Variants in RADIL observed in about 807,000 individuals in gnomAD.
The protein encoded by RADIL is Rap associating with DIL domain, also known as ras-associating and dilute domain-containing protein.
A neutral mutation model predicts 97.6 loss-of-function variants in RADIL; 99 were observed. The observed-to-expected ratio is 1.01, with a 90% CI of 0.86 to 1.20. The LOEUF (loss-of-function observed/expected upper bound fraction) is 1.20, where lower values mean the gene tolerates loss of function less well. Among genes scored for constraint, RADIL ranks in the 50% most tolerant of loss-of-function variants. The pLI is 0.00. For missense variants in RADIL, 1,765 were observed against 1,498.9 expected, an observed-to-expected ratio of 1.18 and a Z score of -2.93; for synonymous variants, 803 against 691.8, an observed-to-expected ratio of 1.16 and a Z score of -2.52.
chr7:4,815,925 T>C lies in RADIL; in HGVS notation c.1966+303A>G, dbSNP rs1782666298. Among the ~76,000 whole-genome samples the C allele has an allele frequency of 6.6e-6, 1 of 152,154 alleles. No homozygotes were observed. Among genetic ancestry groups the C allele is most frequent in the South Asian group, 2.1e-4 (1 of 4,830 alleles). The stretch of plus-strand genomic sequence containing the variant: ...TGGCCCTGACATGTCCACCGGGCAG[T>C]TCTGGGACAGTCCAATGATGCCCTG... On this transcript the variant is annotated intron_variant, in intron 8 of 14. Coordinates refer to ENST00000399583, the MANE Select transcript of RADIL (RefSeq NM_018059.5). This position sits in a 1 kb window ranked among gnomAD's most constrained non-coding sequence, Gnocchi z 8.0.
chr7:4,863,306 C>T (rs889356419), intron 2 of RADIL, among the ~76,000 whole-genome samples: 1 of 152,194 alleles, frequency 6.6e-6, no homozygotes, highest in African/African-American at 2.4e-5. Flanking sequence ...TTTCTTTAAA[C>T]GTGTTAAACA....
At position 4,883,230 on chromosome 7, in the gene RADIL, G is replaced by A. The variant is rs920739793; in HGVS notation, c.-65+366C>T. Among the ~76,000 whole-genome samples, 15 of 147,300 alleles carry A rather than the reference G, an allele frequency of 1.0e-4. 1 individual carries two copies. The East Asian group carries it at 2.2e-3, about 21-fold the overall frequency. On this transcript the variant is annotated intron_variant, in intron 1 of 14. Coordinates refer to ENST00000399583, the MANE Select transcript of RADIL (RefSeq NM_018059.5). The surrounding 1 kb of genome is among the most constrained non-coding windows in gnomAD (Gnocchi z 7.1). ...CCCCGGACGAAGCTCCCCCTCCAGG[G>A]CACAGCCGGGAAAACTGAGGGCCGA...
rs1396673144 is a variant in RADIL, at chr7:4,867,475, G to C, written c.535+10130C>G. Among the ~76,000 whole-genome samples, 2 of 152,166 alleles carry C rather than the reference G, an allele frequency of 1.3e-5. No homozygotes were observed. Among genetic ancestry groups the C allele is most frequent in the African/African-American group, 4.8e-5 (2 of 41,448 alleles). ...CAATGAGCTGACTAGAGCACCATGGGTAGGTGTCAAAAACATAATGTGAGG... is the reference window on the plus strand; with the variant it reads ...CAATGAGCTGACTAGAGCACCATGGCTAGGTGTCAAAAACATAATGTGAGG... On this transcript the variant is annotated intron_variant, in intron 2 of 14. Transcript: ENST00000399583. The surrounding 1 kb of genome is among the most constrained non-coding windows in gnomAD (Gnocchi z 4.1).
At chr7:4,810,585 G>A (rs754071806) in intron 9 of RADIL, among the ~76,000 whole-genome samples, 2 of 152,334 alleles carry the variant, frequency 1.3e-5, no homozygotes, top group Admixed American at 1.3e-4. Flanking sequence ...AGTCTGGGGC[G>A]GTTACGAGTG....
At chr7:4,833,207 G>A (rs1050933673) in intron 4 of RADIL, among the ~76,000 whole-genome samples, 2 of 152,218 alleles carry the variant, frequency 1.3e-5, no homozygotes, top group Non-Finnish European at 2.9e-5. Flanking sequence ...CAGTTTCCCT[G>A]GCTGTGACAT....
intron 2 of RADIL, among the ~76,000 whole-genome samples, chr7:4,862,481 C>T (rs1422636055): frequency 6.6e-6 from 1 of 152,204 alleles, no homozygotes; most frequent in East Asian, 1.9e-4. Context: ...CTCTGGTTCC[C>T]GTTGAGAATT....
Position 4,799,381 on chromosome 7 carries a change from G to C in RADIL, c.3225C>G (p.Leu1075=). The change falls in exon 15 of 15, where the codon CTC becomes CTG. Residue 1075 remains leucine, a synonymous_variant. Transcript: ENST00000399583. The part of the protein sequence containing the change: ...AKKIHFRTPP[L] ...TGGGGGTGTCCTCGCAGCCCCCCTA[G>C]AGAGGGGGCGTGCGGAAATGGATCT... 1 of 1,613,120 alleles carries C rather than the reference G, an allele frequency of 6.2e-7. No homozygotes were observed. Among genetic ancestry groups the C allele is most frequent in the Non-Finnish European group, 8.5e-7 (1 of 1,179,466 alleles).
At chr7:4,838,002 T>C (rs1783345823) in intron 2 of RADIL, 1 of 985,212 alleles carries the variant, frequency 1.0e-6, no homozygotes, top group Admixed American at 6.1e-5. Flanking sequence ...GGAAGACCCT[T>C]ACCAGCGCCA....
At chr7:4,860,438 G>A in intron 2 of RADIL, 3 of 1,614,144 alleles carry the variant, frequency 1.9e-6, no homozygotes, top group Non-Finnish European at 1.7e-6. Flanking sequence ...GATATCATAG[G>A]TGAGATCAAT....
At position 4,822,520 on chromosome 7, in the gene RADIL, C is replaced by T. The variant is rs754743852; in HGVS notation, c.1489G>A (p.Ala497Thr). 1.9e-6 allele frequency: 3 copies of T among 1,613,036 alleles called. No individual in the cohort carries two copies. Among genetic ancestry groups the T allele is most frequent in the Non-Finnish European group, 8.5e-7 (1 of 1,179,980 alleles). Residue 497 changes from alanine (A) to threonine (T), a missense_variant, in exon 6 of 15, where the codon GCT becomes ACT. Coordinates refer to ENST00000399583, the MANE Select transcript of RADIL (RefSeq NM_018059.5). This position sits in a 1 kb window ranked among gnomAD's most constrained non-coding sequence, Gnocchi z 5.3. ...GGCTGCAAGTCTGGAACCAGATCAG[C>T]CATGGCGCAGCTGGCCAGCGAGATG... ...EPISLASCAM[A>T]DLVPDLQPIL...
intron 2 of RADIL, chr7:4,860,816 A>C (rs775019188): frequency 6.2e-7 from 1 of 1,614,192 alleles, no homozygotes; most frequent in Non-Finnish European, 8.5e-7. Flanking sequence ...CCTGGTTGAA[A>C]TAGACACGTT....
intron 2 of RADIL, among the ~76,000 whole-genome samples, 156 bp downstream of exon 2, chr7:4,877,449 G>A (rs1465540583): frequency 2.0e-5 from 3 of 152,174 alleles, no homozygotes; most frequent in Non-Finnish European, 4.4e-5. Context: ...AACAAAAGAG[G>A]AAGGCTTCAA....
intron 2 of RADIL, among the ~76,000 whole-genome samples, chr7:4,848,163 G>A (rs1468977252): frequency 6.6e-6 from 1 of 150,380 alleles, no homozygotes; most frequent in Non-Finnish European, 1.5e-5. Flanking sequence ...TCACACCACT[G>A]CACTCCAGCC....
chr7:4,850,334 T>A (rs10464373), intron 2 of RADIL, among the ~76,000 whole-genome samples: 34,936 of 151,740 alleles, frequency 0.23, 4,915 homozygotes, highest in South Asian at 0.37. Flanking sequence ...AAGGTCACTA[T>A]GGTGGGCAGA....
intron 9 of RADIL, chr7:4,805,967 G>T: frequency 1.0e-5 from 10 of 985,394 alleles, no homozygotes; most frequent in Non-Finnish European, 1.2e-5. Context: ...ACCCACCCCC[G>T]TCTCAAGCAA....
chr7:4,805,699 C>T lies in RADIL; in HGVS notation c.2157G>A (p.Leu719=), dbSNP rs373721573. The T allele has an allele frequency of 3.1e-6, 5 of 1,609,880 alleles. No homozygotes were observed. Among genetic ancestry groups the T allele is most frequent in the Non-Finnish European group, 3.4e-6 (4 of 1,178,978 alleles). ...GGCTCAGTGCGGGGAACGCAGCCCG[C>T]AGGGCTGTCCAGCTCATCTGGGTGA... ...AQLIQMSWTA[L]RAAFPALSPA... The change falls in exon 10 of 15, where the codon CTG becomes CTA. Residue 719 remains leucine, a synonymous_variant. Coordinates refer to ENST00000399583, the MANE Select transcript of RADIL (RefSeq NM_018059.5).
intron 2 of RADIL, among the ~76,000 whole-genome samples, chr7:4,869,959 C>T (rs995586994): frequency 3.3e-5 from 5 of 152,136 alleles, no homozygotes; most frequent in Non-Finnish European, 5.9e-5. Context: ...AGTGAGACCT[C>T]ATCTCTACCA....
intron 2 of RADIL, among the ~76,000 whole-genome samples, chr7:4,875,562 C>A (rs1370377317): frequency 6.6e-6 from 1 of 152,164 alleles, no homozygotes; most frequent in Non-Finnish European, 1.5e-5. Context: ...TGAGGACAGG[C>A]CAGGCTGATC....
chr7:4,838,161 G>A (rs907114694), intron 2 of RADIL: 6 of 653,320 alleles, frequency 9.2e-6, no homozygotes, highest in East Asian at 1.4e-4. Flanking sequence ...TGCAGAACCC[G>A]GCCCAGCCTG....
Sources: gnomAD v4.1 joint callset for allele counts (sites outside exome capture counted in the v4.1 genomes callset) on GRCh38, gnomAD v4.1.1 for gene constraint, Gnocchi (gnomAD v3.1) non-coding constraint, MANE v1.5 for transcripts, NCBI Gene and HGNC (gene_info 2026-07-23, HGNC 2026-07-21) for gene names.